The following SPOCK1 variants were observed in gnomAD, a reference collection of about 807,000 sequenced individuals.
The protein encoded by SPOCK1 is testican-1.
A neutral mutation model predicts 55.3 loss-of-function variants in SPOCK1; 23 were observed. The observed-to-expected ratio is 0.42, with a 90% CI of 0.30 to 0.59. The LOEUF (loss-of-function observed/expected upper bound fraction) is 0.59. Among genes scored for constraint, SPOCK1 ranks in the 20% least tolerant of loss-of-function variants. SPOCK1 has a pLI of 0.22. For synonymous variants in SPOCK1, 226 were observed against 221.0 expected, an observed-to-expected ratio of 1.02 and a Z score of -0.20; for missense variants, 499 against 552.5, an observed-to-expected ratio of 0.90 and a Z score of 0.97.
intron 3 of SPOCK1, among the ~76,000 whole-genome samples, chr5:137,244,366 T>C (rs543685088): frequency 6.6e-6 from 1 of 152,324 alleles, no homozygotes; most frequent in East Asian, 1.9e-4. Context: ...GTGAGCCTGT[T>C]GCTTCCACTA....
chr5:137,341,790 G>A (rs542904324), intron 2 of SPOCK1, among the ~76,000 whole-genome samples: 2 of 152,318 alleles, frequency 1.3e-5, no homozygotes, highest in Non-Finnish European at 2.9e-5. Context: ...TGTTTACAAC[G>A]ATGTGGGTAA....
At chr5:137,285,166 C>A (rs1001434956) in intron 2 of SPOCK1, among the ~76,000 whole-genome samples, 8 of 152,194 alleles carry the variant, frequency 5.3e-5, no homozygotes, top group African/African-American at 1.9e-4. Context: ...AAACCTGGGG[C>A]CCGTCTCACT....
chr5:137,014,409 T>G (rs147645459), intron 6 of SPOCK1, among the ~76,000 whole-genome samples: 1 of 152,184 alleles, frequency 6.6e-6, no homozygotes, highest in Non-Finnish European at 1.5e-5. Context: ...CTGAGTCCAT[T>G]TTCCTTGGCC....
chr5:137,443,981 G>A lies in SPOCK1; in HGVS notation c.186+54392C>T, dbSNP rs77093890. Among the ~76,000 whole-genome samples, 692 of 152,242 alleles carry A rather than the reference G, an allele frequency of 4.5e-3. 4 individuals are homozygous for A. The highest frequency in any genetic ancestry group is 0.016 in the African/African-American group (644 of 41,512). On this transcript the variant is annotated intron_variant, in intron 2 of 10. Transcript: ENST00000394945. ...CTTTTGAGAGTGAAAGAGGGACACCGTTCATCATTGTACCAGGATAACAGG... is the reference window on the plus strand; with the variant it reads ...CTTTTGAGAGTGAAAGAGGGACACCATTCATCATTGTACCAGGATAACAGG...
In SPOCK1 at chr5:137,043,715, A is replaced by T. The variant is rs148056041; in HGVS notation, c.589+24000T>A. The stretch of plus-strand genomic sequence containing the variant: ...ACATGGAACAAATCCTAATTGAGGG[A>T]CATTTTAGAAAATACCTGACCAGTA... On this transcript the variant is annotated intron_variant, in intron 6 of 10. Coordinates refer to ENST00000394945, the MANE Select transcript of SPOCK1 (RefSeq NM_004598.4). 3.1e-3 allele frequency among the ~76,000 whole-genome samples: 472 copies of T among 152,326 alleles called. 5 individuals carry two copies. The highest frequency in any genetic ancestry group is 0.023 in the Admixed American group (347 of 15,294).
At chr5:137,026,360 C>T (rs1024491521) in intron 6 of SPOCK1, among the ~76,000 whole-genome samples, 4 of 152,122 alleles carry the variant, frequency 2.6e-5, no homozygotes, top group African/African-American at 7.3e-5. Context: ...AGTCAGTAGA[C>T]TGAGTAAAGC....
At chr5:137,209,401 T>G (rs556186389) in intron 3 of SPOCK1, among the ~76,000 whole-genome samples, 1 of 152,236 alleles carries the variant, frequency 6.6e-6, no homozygotes, top group Non-Finnish European at 1.5e-5. Flanking sequence ...CGCAAGTAGA[T>G]GTGGAGGTAG....
intron 3 of SPOCK1, among the ~76,000 whole-genome samples, chr5:137,261,286 A>AT (rs1224700898): frequency 2.0e-5 from 3 of 152,204 alleles, no homozygotes; most frequent in Non-Finnish European, 2.9e-5. Flanking sequence ...TCTATGGAAG[A>AT]TTTTTAGAAA....
chr5:137,347,823 G>A (rs2106903), intron 2 of SPOCK1, among the ~76,000 whole-genome samples: 49 of 152,262 alleles, frequency 3.2e-4, no homozygotes, highest in Non-Finnish European at 5.4e-4. Context: ...TGGCACAGGC[G>A]TAACGTGATG....
chr5:137,241,618 T>C (rs547015841), intron 3 of SPOCK1, among the ~76,000 whole-genome samples: 49 of 152,302 alleles, frequency 3.2e-4, no homozygotes, highest in Admixed American at 7.8e-4. Context: ...ATGTCAATTA[T>C]AAAAGGATTC....
chr5:136,992,003 A>G (rs1157970319), intron 7 of SPOCK1, among the ~76,000 whole-genome samples: 1 of 152,232 alleles, frequency 6.6e-6, no homozygotes, highest in African/African-American at 2.4e-5. Context: ...TGTTTGCTAC[A>G]GTGTTACTTC....
At chr5:137,084,147 C>A (rs1251621607) in intron 5 of SPOCK1, among the ~76,000 whole-genome samples, 1 of 152,086 alleles carries the variant, frequency 6.6e-6, no homozygotes, top group Non-Finnish European at 1.5e-5. Flanking sequence ...ACCTCCACCC[C>A]ATGCAGACTC....
At chr5:137,388,118 A>G (rs1751635372) in intron 2 of SPOCK1, among the ~76,000 whole-genome samples, 1 of 152,162 alleles carries the variant, frequency 6.6e-6, no homozygotes, top group Non-Finnish European at 1.5e-5. Context: ...GAACAGTTAT[A>G]CCAAAACAAT....
At chr5:137,157,779 G>A (rs1184688612) in intron 3 of SPOCK1, among the ~76,000 whole-genome samples, 1 of 152,192 alleles carries the variant, frequency 6.6e-6, no homozygotes, top group Admixed American at 6.5e-5. Flanking sequence ...TGCATATGGG[G>A]CCAGGCACAG....
At chr5:137,270,369 T>A (rs1756938633) in intron 2 of SPOCK1, among the ~76,000 whole-genome samples, 1 of 152,188 alleles carries the variant, frequency 6.6e-6, no homozygotes, top group Non-Finnish European at 1.5e-5. Flanking sequence ...ATATAGTCAT[T>A]TAAGTTCAAT....
At chr5:137,258,847 G>A (rs374187328) in intron 3 of SPOCK1, among the ~76,000 whole-genome samples, 9 of 152,118 alleles carry the variant, frequency 5.9e-5, no homozygotes, top group South Asian at 4.1e-4. Context: ...CATTCACTAC[G>A]ATTCCCTCCA....
Position 136,979,349 on chromosome 5 carries a change from T to C in SPOCK1, c.1112A>G (p.Gln371Arg). 6.2e-7 allele frequency: 1 copy of C among 1,614,124 alleles called. No individual in the cohort carries two copies. ...TTACTCACCACAGCTCACAGCACCC[T>C]GTTTCCTGGAGCCAGCCAACTCATT... is the stretch of plus-strand genomic sequence containing the variant. ...YGNELAGSRKQGAVSCEEEQE... is the reference protein window; with the variant it reads ...YGNELAGSRKRGAVSCEEEQE... The change falls in exon 10 of 11, where the codon CAG becomes CGG. Residue 371 changes from glutamine (Q) to arginine (R), a missense_variant. This residue lies in a region of SPOCK1 where 83 missense variants were observed against 87.5 expected (regional missense o/e 0.95). Coordinates refer to ENST00000394945, the MANE Select transcript of SPOCK1 (RefSeq NM_004598.4).
chr5:137,019,582 C>T (rs757328562), intron 6 of SPOCK1, among the ~76,000 whole-genome samples: 1 of 152,058 alleles, frequency 6.6e-6, no homozygotes, highest in Non-Finnish European at 1.5e-5. Context: ...TAAACATCAT[C>T]GTTGTGCCTC....
chr5:137,362,597 AG>A (rs1750975427), intron 2 of SPOCK1, among the ~76,000 whole-genome samples: 1 of 151,884 alleles, frequency 6.6e-6, no homozygotes, highest in Admixed American at 6.6e-5. Flanking sequence ...CAAAGCGCTG[AG>A]ATTATAGGCA....
Sources: gnomAD v4.1 joint callset for allele counts (sites outside exome capture counted in the v4.1 genomes callset) on GRCh38, gnomAD v4.1.1 for gene constraint, gnomAD v4.1.1 regional missense constraint, MANE v1.5 for transcripts, NCBI Gene and HGNC (gene_info 2026-07-23, HGNC 2026-07-21) for gene names.